The following SPP2 variants were observed in gnomAD, a reference collection of about 807,000 sequenced individuals.
SPP2 encodes the protein secreted phosphoprotein 2.
A neutral mutation model predicts 28.8 loss-of-function variants in SPP2; 34 were observed. That is an observed-to-expected ratio of 1.18 (90% CI 0.90 to 1.57). The LOEUF (loss-of-function observed/expected upper bound fraction) is 1.57, where lower values mean the gene tolerates loss of function less well. SPP2 is among the 40% of genes most tolerant of loss of function. The pLI, the probability that SPP2 is intolerant of heterozygous loss-of-function variation, is 0.00. For synonymous variants in SPP2, 96 were observed against 89.4 expected (o/e 1.07, Z -0.42); for missense variants, 269 against 263.9 (o/e 1.02, Z -0.13).
intron 2 of SPP2, among the ~76,000 whole-genome samples, chr2:234,053,246 T>A (rs138951155): frequency 2.0e-5 from 3 of 152,250 alleles, no homozygotes; most frequent in Non-Finnish European, 4.4e-5. Context: ...GTTGGAAATA[T>A]GTGTTAAACA....
At chr2:234,061,434 A>G (rs1305940788) in intron 4 of SPP2, among the ~76,000 whole-genome samples, 3 of 152,214 alleles carry the variant, frequency 2.0e-5, no homozygotes, top group Non-Finnish European at 1.5e-5. Flanking sequence ...TAAAAACATG[A>G]CATATTATTT....
At chr2:234,074,629 T>TC (rs1690860148) in intron 7 of SPP2, among the ~76,000 whole-genome samples, 1 of 152,222 alleles carries the variant, frequency 6.6e-6, no homozygotes, top group Non-Finnish European at 1.5e-5. Flanking sequence ...GTTCTTATTA[T>TC]CTGAGGCAGC....
intron 4 of SPP2, 59 bp from the exon 5 acceptor site, chr2:234,066,472 AGT>A: frequency 1.5e-6 from 2 of 1,370,402 alleles, no homozygotes; most frequent in East Asian, 2.3e-5. Context: ...TACATTTTTC[AGT>A]GTCTTTCCTT....
chr2:234,054,842 A>G (rs1287560182), intron 2 of SPP2, among the ~76,000 whole-genome samples: 4 of 152,096 alleles, frequency 2.6e-5, no homozygotes, highest in African/African-American at 9.7e-5. Context: ...GGCAGGGAGG[A>G]TGCGGGGAGC....
chr2:234,076,698 C>G (rs1690905086), intron 7 of SPP2, 147 bp from the exon 8 acceptor site: 1 of 152,208 alleles, frequency 6.6e-6, no homozygotes, highest in African/African-American at 2.4e-5. Context: ...ACCACAAACA[C>G]CTTCATAGAC....
At chr2:234,072,322 T>C (rs2125473347) in intron 7 of SPP2, among the ~76,000 whole-genome samples, 1 of 152,322 alleles carries the variant, frequency 6.6e-6, no homozygotes, top group South Asian at 2.1e-4. Context: ...AGCTCCATAC[T>C]GAGATCAAGA....
intron 4 of SPP2, among the ~76,000 whole-genome samples, chr2:234,063,267 GA>G (rs1040810818): frequency 6.6e-5 from 10 of 151,602 alleles, no homozygotes; most frequent in African/African-American, 1.2e-4. Flanking sequence ...AAATAAAACT[GA>G]AAAAAACTCC....
chr2:234,069,894 T>C lies in SPP2; in HGVS notation c.551-34T>C, dbSNP rs367879510. On this transcript the variant is annotated intron_variant, in intron 6 of 7. Transcript: ENST00000168148. ...ACACTGTCTCAGATCTTGATGTGAC[T>C]GACAGAGCCTATGCTTCCCTTTTCT... is the stretch of plus-strand genomic sequence containing the variant. 4 of 1,524,282 alleles carry C rather than the reference T, an allele frequency of 2.6e-6. No individual in the cohort carries two copies. The African/African-American group carries it at 4.1e-5, about 16-fold the overall frequency. The allele number at this position is 1,524,282 out of a possible 1,614,324, so 94.4% of individuals were successfully genotyped here.
Position 234,051,077 on chromosome 2 carries a change from C to T in SPP2, c.192C>T (p.Phe64=). 6.2e-7 allele frequency: 1 copy of T among 1,613,850 alleles called. No homozygotes were observed. The highest frequency in any genetic ancestry group is 2.2e-5 in the East Asian group (1 of 44,868). ...QSLSPYLFRA[F]RSSLKRVEVL... ...TGAGTCCGTATCTGTTTCGGGCATT[C>T]AGAAGCTCATTAAAAAGAGTAAGTG... The change falls in exon 2 of 8, where the codon TTC becomes TTT. Residue 64 remains phenylalanine, a synonymous_variant. Coordinates refer to ENST00000168148, the MANE Select transcript of SPP2 (RefSeq NM_006944.3).
intron 2 of SPP2, among the ~76,000 whole-genome samples, chr2:234,057,421 C>T (rs1364718524): frequency 6.6e-6 from 1 of 152,212 alleles, no homozygotes; most frequent in Non-Finnish European, 1.5e-5. Flanking sequence ...TCCCATCCTT[C>T]AAGGCTCAGT....
In SPP2 at chr2:234,067,296, G is replaced by A. The variant is rs984242544; in HGVS notation, c.550+22G>A. 1.9e-6 allele frequency: 3 copies of A among 1,612,974 alleles called. No individual in the cohort carries two copies. In the African/African-American group the frequency reaches 4.0e-5, roughly 22 times the overall value. On this transcript the variant is annotated intron_variant, in intron 6 of 7. Coordinates refer to ENST00000168148, the MANE Select transcript of SPP2 (RefSeq NM_006944.3). ...CTTGGTAAGTGATTTCTTTCCTGCT[G>A]TGCCACCAGACCCTTTTCTGATCAA...
intron 5 of SPP2, 111 bp downstream of exon 5, chr2:234,066,698 A>G: frequency 1.2e-6 from 1 of 812,214 alleles, no homozygotes; most frequent in Non-Finnish European, 2.0e-6. Flanking sequence ...TAATCTTGCA[A>G]CAATTACAGC....
chr2:234,075,666 C>G (rs953962735), intron 7 of SPP2, among the ~76,000 whole-genome samples: 1 of 152,176 alleles, frequency 6.6e-6, no homozygotes, highest in African/African-American at 2.4e-5. Context: ...ATGGCCTTCC[C>G]TCTCCTGGGT....
intron 7 of SPP2, among the ~76,000 whole-genome samples, chr2:234,073,730 C>A (rs1284503751): frequency 6.6e-6 from 1 of 152,142 alleles, no homozygotes; most frequent in African/African-American, 2.4e-5. Context: ...CCTCAGCACC[C>A]AAACCATAGC....
chr2:234,051,154 G>A lies in SPP2; in HGVS notation c.210+59G>A. On this transcript the variant is annotated intron_variant, in intron 2 of 7. Coordinates refer to ENST00000168148, the MANE Select transcript of SPP2 (RefSeq NM_006944.3). The stretch of plus-strand genomic sequence containing the variant: ...TTCCAATGCTGTCTGCCTTTTGTCA[G>A]TTCATTGGATATACTTTTAAGAAAT... The A allele has an allele frequency of 5.1e-6, 8 of 1,583,076 alleles. No homozygotes were observed. The South Asian group carries it at 9.0e-5, about 18-fold the overall frequency.
At chr2:234,054,195 C>T (rs570346339) in intron 2 of SPP2, among the ~76,000 whole-genome samples, 17 of 152,108 alleles carry the variant, frequency 1.1e-4, no homozygotes, top group East Asian at 7.8e-4. Flanking sequence ...TCCTGAAGGA[C>T]GAAAGACCTT....
chr2:234,068,774 C>T (rs893399081), intron 6 of SPP2, among the ~76,000 whole-genome samples: 1 of 147,484 alleles, frequency 6.8e-6, no homozygotes, highest in Non-Finnish European at 1.5e-5. Flanking sequence ...TGGGAATATT[C>T]AAAAGATATT....
chr2:234,062,395 G>A (rs1018496319), intron 4 of SPP2, among the ~76,000 whole-genome samples: 6 of 152,138 alleles, frequency 3.9e-5, no homozygotes, highest in African/African-American at 1.4e-4. Context: ...GAAAGCTGGT[G>A]GGTTGAAATG....
intron 6 of SPP2, among the ~76,000 whole-genome samples, chr2:234,068,955 C>T (rs759595730): frequency 3.2e-4 from 49 of 152,118 alleles, no homozygotes; most frequent in Admixed American, 6.5e-5. Context: ...GGTTCTGGCT[C>T]AGAGTCTATC....
Sources: allele counts gnomAD v4.1 joint callset (sites outside exome capture counted in the v4.1 genomes callset), GRCh38; gene constraint gnomAD v4.1.1; transcripts MANE v1.5; gene names NCBI Gene and HGNC (gene_info 2026-07-23, HGNC 2026-07-21).